The following PAM variants were observed in gnomAD, a reference collection of about 807,000 sequenced individuals.
The protein encoded by PAM is peptidyl-glycine alpha-amidating monooxygenase.
PAM carries 72 observed loss-of-function variants against 122.1 expected under a neutral mutation model. The ratio of observed to expected loss-of-function variants is 0.59; its 90% CI spans 0.49 to 0.72. PAM has a LOEUF of 0.72. Ranked by LOEUF, PAM falls within the 30% of genes least tolerant of loss-of-function variation. The probability of loss-of-function intolerance (pLI) is 0.00; values close to 1 mark genes in which losing one functional copy is unlikely to be tolerated. For synonymous variants in PAM, 389 were observed against 404.4 expected (o/e 0.96, Z 0.46); for missense variants, 1,106 against 1,183.7 (o/e 0.93, Z 0.96).
At chr5:103,006,053 G>C (rs1778871761) in intron 18 of PAM, among the ~76,000 whole-genome samples, 1 of 151,988 alleles carries the variant, frequency 6.6e-6, no homozygotes, top group African/African-American at 2.4e-5. Context: ...TCCCACCTTA[G>C]CCTCCCAAGT....
At chr5:102,983,148 T>TA (rs904877471) in intron 15 of PAM, among the ~76,000 whole-genome samples, 2 of 151,900 alleles carry the variant, frequency 1.3e-5, no homozygotes, top group African/African-American at 4.8e-5. Context: ...AGACATCTTT[T>TA]AAAATAACCC....
At chr5:103,023,341 A>G (rs1784135738) in intron 23 of PAM, among the ~76,000 whole-genome samples, 1 of 152,106 alleles carries the variant, frequency 6.6e-6, no homozygotes, top group African/African-American at 2.4e-5. Context: ...ACCCACCTTC[A>G]AACAAGAACA....
intron 1 of PAM, among the ~76,000 whole-genome samples, chr5:102,849,949 CTA>C (rs1482532071): frequency 5.9e-5 from 9 of 152,102 alleles, no homozygotes; most frequent in Non-Finnish European, 8.8e-5. Flanking sequence ...TGACTTTTAA[CTA>C]TGTGTATATA....
chr5:102,866,269 T>C lies in PAM; in HGVS notation c.74T>C (p.Leu25Pro). The C allele has an allele frequency of 1.2e-6, 2 of 1,609,614 alleles. No individual in the cohort carries two copies. The highest frequency in any genetic ancestry group is 8.5e-7 in the Non-Finnish European group (1 of 1,175,954). The change falls in exon 2 of 26, where the codon CTT (leucine) becomes CCT (proline). Residue 25 changes from leucine (L) to proline (P), a missense_variant. Coordinates refer to ENST00000438793, the MANE Select transcript of PAM (RefSeq NM_001177306.2). ...PSSCLAFRSP[L>P]SVFKRFKETT... ...AGCTGTTTGGCTTTCCGAAGCCCAC[T>C]TTCTGTCTTTAAGAGGTGGGTGTTC...
chr5:102,924,811 C>T (rs902354120), intron 5 of PAM, 146 bp from the exon 6 acceptor site: 15 of 550,594 alleles, frequency 2.7e-5, no homozygotes, highest in Admixed American at 2.4e-4. Flanking sequence ...AGTCTTTATT[C>T]GGATCTTAAA....
chr5:102,770,152 T>G (rs953862010), intron 1 of PAM, among the ~76,000 whole-genome samples: 8 of 152,146 alleles, frequency 5.3e-5, no homozygotes, highest in African/African-American at 1.9e-4. Flanking sequence ...TTCTTCAGAT[T>G]GTTTGGCTGT....
rs371754009 is a variant in PAM at position 102,882,048 on chromosome 5, G to A, written c.210+14655G>A. ...TTTTGTGGCTGAGTAGTATTCCATCGTGGAATATATATATATATATATATA... is the reference window on the plus strand; with the variant it reads ...TTTTGTGGCTGAGTAGTATTCCATCATGGAATATATATATATATATATATA... On this transcript the variant is annotated intron_variant, in intron 3 of 25. Transcript: ENST00000438793. 2.0e-4 allele frequency among the ~76,000 whole-genome samples: 18 copies of A among 91,552 alleles called. No individual in the cohort carries two copies. The East Asian group carries it at 3.4e-3, about 17-fold the overall frequency. The allele number at this position is 91,552 out of a possible 152,430, so 60.1% of individuals were successfully genotyped here.
chr5:102,923,159 C>G (rs1239386554), intron 5 of PAM, among the ~76,000 whole-genome samples: 1 of 152,176 alleles, frequency 6.6e-6, no homozygotes, highest in African/African-American at 2.4e-5. Context: ...GGTCCCTCAC[C>G]CCTTAATTCA....
chr5:102,857,736 G>C (rs925891646), intron 1 of PAM, among the ~76,000 whole-genome samples: 2 of 152,208 alleles, frequency 1.3e-5, no homozygotes, highest in African/African-American at 4.8e-5. Context: ...AAATTTCATA[G>C]AGTTGCTGTG....
chr5:102,958,038 A>G (rs1761343623), intron 12 of PAM, among the ~76,000 whole-genome samples: 1 of 152,298 alleles, frequency 6.6e-6, no homozygotes, highest in Non-Finnish European at 1.5e-5. Flanking sequence ...GGGACCAACA[A>G]TATTTAGACC....
chr5:102,855,540 C>T (rs1782412967), intron 1 of PAM, among the ~76,000 whole-genome samples: 1 of 152,090 alleles, frequency 6.6e-6, no homozygotes, highest in African/African-American at 2.4e-5. Flanking sequence ...CTAGACATTT[C>T]CTATAGACTT....
intron 14 of PAM, among the ~76,000 whole-genome samples, chr5:102,962,537 A>G (rs1390407167): frequency 1.3e-5 from 2 of 151,864 alleles, no homozygotes; most frequent in Non-Finnish European, 2.9e-5. Context: ...ATATGAAACA[A>G]TACGGAATGA....
chr5:103,019,266 G>A (rs1157139653), intron 22 of PAM, among the ~76,000 whole-genome samples: 1 of 152,216 alleles, frequency 6.6e-6, no homozygotes, highest in Non-Finnish European at 1.5e-5. Context: ...TGATGGAAAA[G>A]CACAGCGATA....
intron 4 of PAM, among the ~76,000 whole-genome samples, chr5:102,901,743 A>G (rs1797965727): frequency 1.3e-5 from 2 of 151,504 alleles, no homozygotes; most frequent in South Asian, 4.1e-4. Context: ...CAGACAGTTT[A>G]TTTACCTGCT....
chr5:103,002,343 TA>T (rs1178660417), intron 16 of PAM, among the ~76,000 whole-genome samples: 7 of 152,176 alleles, frequency 4.6e-5, no homozygotes, highest in African/African-American at 1.7e-4. Flanking sequence ...GTACTGAGTT[TA>T]AAAGCAGAAA....
intron 21 of PAM, among the ~76,000 whole-genome samples, chr5:103,013,446 A>G (rs1379526168): frequency 6.6e-6 from 1 of 152,146 alleles, no homozygotes; most frequent in Non-Finnish European, 1.5e-5. Context: ...ATCACTTCTA[A>G]TAGTTTTTTT....
intron 3 of PAM, among the ~76,000 whole-genome samples, chr5:102,871,627 C>T (rs1288168916): frequency 1.3e-5 from 2 of 149,688 alleles, no homozygotes; most frequent in African/African-American, 2.4e-5. Context: ...TCTTATACAT[C>T]TTTATATTGC....
At chr5:102,763,156 GTAGA>G (rs1241007544) in intron 1 of PAM, among the ~76,000 whole-genome samples, 1 of 152,158 alleles carries the variant, frequency 6.6e-6, no homozygotes, top group Non-Finnish European at 1.5e-5. Flanking sequence ...TGATTATCCA[GTAGA>G]TAGTTAGCAC....
At chr5:102,833,075 A>T (rs1184454589) in intron 1 of PAM, among the ~76,000 whole-genome samples, 3 of 152,178 alleles carry the variant, frequency 2.0e-5, no homozygotes, top group Non-Finnish European at 4.4e-5. Context: ...CAATACCTGA[A>T]AATGTCAATT....
Sources: allele counts gnomAD v4.1 joint callset (sites outside exome capture counted in the v4.1 genomes callset), GRCh38; gene constraint gnomAD v4.1.1; transcripts MANE v1.5; gene names NCBI Gene and HGNC (gene_info 2026-07-23, HGNC 2026-07-21).